Variants in NPC1 observed in about 807,000 individuals in gnomAD.
The protein encoded by NPC1 is Niemann-Pick C1 protein.
NPC1 carries 85 observed loss-of-function variants against 140.4 expected under a neutral mutation model. The ratio of observed to expected loss-of-function variants is 0.61; its 90% CI spans 0.51 to 0.72. The LOEUF (loss-of-function observed/expected upper bound fraction) is 0.72. Ranked by LOEUF, NPC1 falls within the 30% of genes least tolerant of loss-of-function variation. The pLI, the probability that NPC1 is intolerant of heterozygous loss-of-function variation, is 0.00. For synonymous variants in NPC1, 656 were observed against 624.8 expected (o/e 1.05, Z -0.74); for missense variants, 1,504 against 1,623.8 (o/e 0.93, Z 1.27).
intron 4 of NPC1, among the ~76,000 whole-genome samples, chr18:23,562,203 G>A (rs1042973615): frequency 1.3e-5 from 2 of 151,718 alleles, no homozygotes; most frequent in South Asian, 2.1e-4. Flanking sequence ...GCGGGAGAAT[G>A]GCATGAACCC....
At chr18:23,569,764 T>C (rs537368130) in intron 3 of NPC1, among the ~76,000 whole-genome samples, 28 of 152,338 alleles carry the variant, frequency 1.8e-4, no homozygotes, top group African/African-American at 6.5e-4. Flanking sequence ...TTTGTAAAGA[T>C]AGAGAACAGC....
downstream of NPC1, among the ~76,000 whole-genome samples, chr18:23,519,918 G>A (rs2058100317): frequency 6.6e-6 from 1 of 152,194 alleles, no homozygotes; most frequent in Non-Finnish European, 1.5e-5. Flanking sequence ...GACACGTGAG[G>A]ATGTTTCCAG....
chr18:23,567,225 G>A (rs781780965), intron 4 of NPC1, among the ~76,000 whole-genome samples: 4 of 152,284 alleles, frequency 2.6e-5, no homozygotes, highest in South Asian at 4.1e-4. Context: ...GTAAGAAACC[G>A]CTAAATTATC....
intron 3 of NPC1, chr18:23,516,050 C>G: frequency 6.2e-7 from 1 of 1,611,022 alleles, no homozygotes; most frequent in Non-Finnish European, 8.5e-7. Context: ...TCCCCTGTTC[C>G]TGTAGCATCC....
At chr18:23,554,615 A>G (rs993509861) in intron 9 of NPC1, 143 bp downstream of exon 9, 62 of 681,296 alleles carry the variant, frequency 9.1e-5, no homozygotes, top group Admixed American at 4.4e-4. Context: ...CAAAAAAAAA[A>G]AAAAAAGATG....
downstream of NPC1, chr18:23,527,942 C>T: frequency 6.9e-7 from 1 of 1,454,470 alleles, no homozygotes; most frequent in Non-Finnish European, 9.5e-7. Flanking sequence ...TCCTCCCCCA[C>T]CCCCTCCCGG....
At chr18:23,575,663 C>T (rs921196995) in intron 1 of NPC1, among the ~76,000 whole-genome samples, 4 of 149,150 alleles carry the variant, frequency 2.7e-5, no homozygotes, top group African/African-American at 9.9e-5. Context: ...CAAAGAGGTT[C>T]CAAAGACTTA....
rs1330902838 is a variant in NPC1, at chr18:23,536,795, G to A, written c.3123C>T (p.Tyr1041=). Residue 1041 remains tyrosine (Y), a synonymous_variant, in exon 21 of 25, where the codon TAC becomes TAT. Transcript: ENST00000269228. ...CAGCAGAGGTCTGCAGCACGGTGTGGTAGGTCATGAAGTACGTGGCTCCGA... is the reference window on the plus strand; with the variant it reads ...CAGCAGAGGTCTGCAGCACGGTGTGATAGGTCATGAAGTACGTGGCTCCGA... ...TRVGATYFMT[Y]HTVLQTSADF... 6.2e-7 allele frequency: 1 copy of A among 1,614,198 alleles called. No individual in the cohort carries two copies. Among genetic ancestry groups the A allele is most frequent in the Non-Finnish European group, 8.5e-7 (1 of 1,180,034 alleles).
In NPC1 at chr18:23,554,968, ATT is replaced by A; in HGVS notation, c.1341_1342del (p.Gln447HisfsTer11). Reference sequence around the variant, plus strand: ...AGAGGCAGTAATGTTTTCGATGGCTATTTGTAAGTCAAGAACCTGAAAGAAGA... The same window carrying A: ...AGAGGCAGTAATGTTTTCGATGGCTATGTAAGTCAAGAACCTGAAAGAAGA... On this transcript the variant is annotated frameshift_variant, in exon 9 of 25. Coordinates refer to ENST00000269228, the MANE Select transcript of NPC1 (RefSeq NM_000271.5). LOFTEE classifies it high-confidence loss of function. 6.2e-7 allele frequency: 1 copy of A among 1,611,606 alleles called. No homozygotes were observed. Among genetic ancestry groups the A allele is most frequent in the Non-Finnish European group, 8.5e-7 (1 of 1,177,688 alleles).
At chr18:23,551,552 A>C in intron 10 of NPC1, 75 bp downstream of exon 10, 1 of 1,099,532 alleles carries the variant, frequency 9.1e-7, no homozygotes, top group Non-Finnish European at 1.4e-6. Context: ...AAATCTTCAT[A>C]ATTACCACTT....
intron 19 of NPC1, 35 bp from the exon 20 acceptor site, chr18:23,538,706 A>G (rs767718559): frequency 1.2e-6 from 2 of 1,612,230 alleles, no homozygotes; most frequent in African/African-American, 1.3e-5. Flanking sequence ...TGTTAGAAGA[A>G]TAGGTCTCCA....
At chr18:23,540,846 A>C (rs967431703) in intron 16 of NPC1, among the ~76,000 whole-genome samples, 1 of 152,176 alleles carries the variant, frequency 6.6e-6, no homozygotes, top group Non-Finnish European at 1.5e-5. Context: ...TGTGAATCTG[A>C]AACTATTTCA....
chr18:23,545,072 T>G lies in NPC1; in HGVS notation c.1835A>C (p.Glu612Ala). The G allele has an allele frequency of 6.2e-7, 1 of 1,612,708 alleles. No homozygotes were observed. Among genetic ancestry groups the G allele is most frequent in the Non-Finnish European group, 8.5e-7 (1 of 1,178,728 alleles). Residue 612 changes from glutamate to alanine, a missense_variant, in exon 12 of 25, where the codon GAA becomes GCA. By Grantham distance (107) the Glu-to-Ala change is moderately radical (BLOSUM62 -1). Transcript: ENST00000269228. ...SFTAERSIED[E>A]LNRESDSDVF... The stretch of plus-strand genomic sequence containing the variant: ...ATCACTGTCACTTTCACGATTTAGT[T>G]CATCTTCAATACTTCGTTCAGCAGT...
chr18:23,515,342 G>A (rs1251422686), intron 3 of NPC1, among the ~76,000 whole-genome samples: 1 of 152,206 alleles, frequency 6.6e-6, no homozygotes, highest in Non-Finnish European at 1.5e-5. Context: ...AATAGGGCCA[G>A]TGATGCCTGC....
At chr18:23,573,735 A>G (rs1443948249) in intron 1 of NPC1, among the ~76,000 whole-genome samples, 161 bp from the exon 2 acceptor site, 3 of 152,232 alleles carry the variant, frequency 2.0e-5, no homozygotes, top group Non-Finnish European at 4.4e-5. Flanking sequence ...TAATTAAAGC[A>G]GACCAAATGC....
chr18:23,563,930 T>C (rs1404830223), intron 4 of NPC1, among the ~76,000 whole-genome samples: 1 of 151,826 alleles, frequency 6.6e-6, no homozygotes, highest in African/African-American at 2.4e-5. Flanking sequence ...ATGTCTACTC[T>C]ATTCAGATCT....
Position 23,534,427 on chromosome 18 carries a change from C to G in NPC1, c.3591+19G>C. ...TTGTGGTGCGACTCTGCCGGCGTGG[C>G]CCTGCTCAGGGTACTCACGGAGCTG... On this transcript the variant is annotated intron_variant, in intron 23 of 24. Coordinates refer to ENST00000269228, the MANE Select transcript of NPC1 (RefSeq NM_000271.5). The G allele has an allele frequency of 6.4e-7, 1 of 1,562,398 alleles. No individual in the cohort carries two copies. Among genetic ancestry groups the G allele is most frequent in the Non-Finnish European group, 8.8e-7 (1 of 1,135,222 alleles).
chr18:23,510,158 A>C (rs1185550077), intron 3 of NPC1, among the ~76,000 whole-genome samples: 7 of 151,820 alleles, frequency 4.6e-5, no homozygotes, highest in Admixed American at 2.0e-4. Context: ...TCCCATCTCT[A>C]TAAAAAATAC....
intron 9 of NPC1, among the ~76,000 whole-genome samples, chr18:23,552,845 C>T (rs539944393): frequency 9.2e-5 from 14 of 152,270 alleles, no homozygotes; most frequent in Admixed American, 5.2e-4. Context: ...GGCTCAGACC[C>T]GTAAGAACCC....
Sources: gnomAD v4.1 joint callset for allele counts (sites outside exome capture counted in the v4.1 genomes callset) on GRCh38, gnomAD v4.1.1 for gene constraint, MANE v1.5 for transcripts, NCBI Gene and HGNC (gene_info 2026-07-23, HGNC 2026-07-21) for gene names.